The following RHBDD1 variants were observed in gnomAD, a reference collection of about 807,000 sequenced individuals.
RHBDD1 encodes the protein rhomboid-related protein 4.
RHBDD1 carries 38 observed loss-of-function variants against 36.3 expected under a neutral mutation model. The observed-to-expected ratio is 1.05, with a 90% CI of 0.81 to 1.37. RHBDD1 has a LOEUF of 1.37. Among genes scored for constraint, RHBDD1 ranks in the 40% most tolerant of loss-of-function variants. The probability of loss-of-function intolerance (pLI) is 0.00; values close to 1 mark genes in which losing one functional copy is unlikely to be tolerated. For missense variants in RHBDD1, 393 were observed against 377.6 expected (o/e 1.04, Z -0.34); for synonymous variants, 151 against 136.5 (o/e 1.11, Z -0.74).
At chr2:226,824,353 G>C in the RHBDD1 span, among the ~76,000 whole-genome samples, 2 of 151,906 alleles carry the variant, frequency 1.3e-5, no homozygotes, top group East Asian at 3.9e-4. Context: ...TTAAAGACTA[G>C]CATCCTCAAA....
chr2:226,982,081 G>A (rs185428187), intron 8 of RHBDD1, among the ~76,000 whole-genome samples: 11 of 152,136 alleles, frequency 7.2e-5, no homozygotes, highest in South Asian at 4.2e-4. Context: ...ACTTCCCCCC[G>A]CCCTCTTTTC....
At chr2:226,840,714 C>T (rs1431609585) in intron 3 of RHBDD1, among the ~76,000 whole-genome samples, 1 of 152,140 alleles carries the variant, frequency 6.6e-6, no homozygotes, top group African/African-American at 2.4e-5. Flanking sequence ...GCTGTTTCTC[C>T]AGGTGTTAAC....
upstream of RHBDD1, among the ~76,000 whole-genome samples, chr2:226,834,314 T>C (rs926616639): frequency 2.0e-5 from 3 of 152,242 alleles, no homozygotes; most frequent in African/African-American, 7.2e-5. Context: ...TTTCCCCCTC[T>C]AGGGAAATAC....
chr2:226,815,340 A>G, the RHBDD1 span, among the ~76,000 whole-genome samples: 533 of 152,322 alleles, frequency 3.5e-3, 7 homozygotes, highest in Non-Finnish European at 4.0e-3. Flanking sequence ...AATTATTTTT[A>G]TATCTTCTAA....
At chr2:226,871,514 A>G (rs1282528837) in intron 5 of RHBDD1, among the ~76,000 whole-genome samples, 2 of 152,184 alleles carry the variant, frequency 1.3e-5, no homozygotes, top group Non-Finnish European at 2.9e-5. Flanking sequence ...AGGATCCAAA[A>G]TTCATATATT....
In RHBDD1 at chr2:226,995,681, A is replaced by G. The variant is rs966283335; in HGVS notation, c.*159A>G. 25 of 621,044 alleles carry G rather than the reference A, an allele frequency of 4.0e-5. No individual in the cohort carries two copies. The highest frequency in any genetic ancestry group is 6.1e-5 in the Non-Finnish European group (21 of 344,910). The allele number at this position is 621,044 out of a possible 1,614,324, so 38.5% of individuals were successfully genotyped here. On this transcript the variant is annotated 3_prime_UTR_variant, in exon 9 of 9. Transcript: ENST00000392062. ...CACCTGGGACAGTCCCATGGCCCCT[A>G]TGAGTCAACTCACAGCTTGCGGGGA...
chr2:226,887,087 G>A (rs1016843731), intron 5 of RHBDD1, among the ~76,000 whole-genome samples: 13 of 152,208 alleles, frequency 8.5e-5, no homozygotes, highest in Admixed American at 1.3e-4. Flanking sequence ...CCACAGATAC[G>A]GAGGAGGCTA....
chr2:226,807,648 G>A, the RHBDD1 span: 1 of 152,424 alleles, frequency 6.6e-6, no homozygotes, highest in Admixed American at 6.5e-5. Context: ...GGAGCAGAGT[G>A]AGGAAGGGGA....
intron 8 of RHBDD1, among the ~76,000 whole-genome samples, chr2:226,916,051 T>C (rs1701655595): frequency 6.6e-6 from 1 of 152,196 alleles, no homozygotes; most frequent in South Asian, 2.1e-4. Flanking sequence ...GCCAGCAGGC[T>C]AGCCTGGGCT....
At chr2:226,850,870 T>C (rs1183578226) in intron 3 of RHBDD1, among the ~76,000 whole-genome samples, 1 of 152,174 alleles carries the variant, frequency 6.6e-6, no homozygotes, top group Non-Finnish European at 1.5e-5. Context: ...TGAGACTTCT[T>C]TGGTGACCAT....
At position 226,995,451 on chromosome 2, in the gene RHBDD1, C is replaced by G. The variant is rs1959169388; in HGVS notation, c.877C>G (p.Pro293Ala). 10 of 1,612,460 alleles carry G rather than the reference C, an allele frequency of 6.2e-6. No individual in the cohort carries two copies. Among genetic ancestry groups the G allele is most frequent in the Non-Finnish European group, 8.5e-6 (10 of 1,178,932 alleles). ...WDRGNTRNSPPPYGFHLSPEE... is the reference protein window; with the variant it reads ...WDRGNTRNSPAPYGFHLSPEE... ...TACAGGAAATACCAGAAATAGCCCA[C>G]CACCCTACGGGTTTCATCTCTCACC... Residue 293 changes from proline (P) to alanine (A), a missense_variant, in exon 9 of 9, where the codon CCA becomes GCA. Coordinates refer to ENST00000392062, the MANE Select transcript of RHBDD1 (RefSeq NM_001167608.3).
intron 4 of RHBDD1, among the ~76,000 whole-genome samples, 172 bp downstream of exon 4, chr2:226,865,298 A>G (rs1045758457): frequency 4.6e-5 from 7 of 152,204 alleles, no homozygotes; most frequent in African/African-American, 1.7e-4. Context: ...TTGCCATTCT[A>G]CATTATGCTG....
At chr2:226,992,291 C>G (rs10204299) in intron 8 of RHBDD1, among the ~76,000 whole-genome samples, 4,242 of 152,286 alleles carry the variant, frequency 0.028, 184 homozygotes, top group African/African-American at 0.097. Context: ...GGGCTGACAT[C>G]AACTTTGTGA....
At chr2:226,916,665 G>A (rs912246658) in intron 8 of RHBDD1, among the ~76,000 whole-genome samples, 1 of 152,184 alleles carries the variant, frequency 6.6e-6, no homozygotes, top group Non-Finnish European at 1.5e-5. Context: ...AAAGTAGCAA[G>A]CCTTCATAAA....
intron 3 of RHBDD1, among the ~76,000 whole-genome samples, chr2:226,855,698 T>C (rs1235734296): frequency 6.6e-6 from 1 of 152,224 alleles, no homozygotes; most frequent in East Asian, 1.9e-4. Context: ...GAAAATGCTC[T>C]CAGTTCCCAA....
intron 3 of RHBDD1, among the ~76,000 whole-genome samples, chr2:226,850,674 A>G (rs1942719245): frequency 6.6e-6 from 1 of 152,170 alleles, no homozygotes; most frequent in African/African-American, 2.4e-5. Context: ...GTTCTAATCC[A>G]TAGGAAATCT....
At chr2:226,814,116 T>C in the RHBDD1 span, among the ~76,000 whole-genome samples, 16 of 152,218 alleles carry the variant, frequency 1.1e-4, no homozygotes, top group Non-Finnish European at 2.1e-4. Flanking sequence ...TGAGTGGGAC[T>C]GTATGAACAA....
At chr2:226,903,133 G>A (rs902306874) in intron 5 of RHBDD1, among the ~76,000 whole-genome samples, 2 of 151,968 alleles carry the variant, frequency 1.3e-5, no homozygotes, top group Admixed American at 1.3e-4. Context: ...CACTTTCTTT[G>A]TCATTTTTAC....
At chr2:226,889,394 T>G (rs1331185057) in intron 5 of RHBDD1, among the ~76,000 whole-genome samples, 1 of 152,190 alleles carries the variant, frequency 6.6e-6, no homozygotes, top group East Asian at 1.9e-4. Flanking sequence ...TTAGTTGCGA[T>G]TGAGTTTTCT....
Sources: gnomAD v4.1 joint callset for allele counts (sites outside exome capture counted in the v4.1 genomes callset) on GRCh38, gnomAD v4.1.1 for gene constraint, MANE v1.5 for transcripts, NCBI Gene and HGNC (gene_info 2026-07-23, HGNC 2026-07-21) for gene names.